The following TMPRSS6 variants were observed in gnomAD, a reference collection of about 807,000 sequenced individuals.
The protein encoded by TMPRSS6 is transmembrane serine protease 6.
A neutral mutation model predicts 101.5 loss-of-function variants in TMPRSS6; 67 were observed. The ratio of observed to expected loss-of-function variants is 0.66; its 90% CI spans 0.54 to 0.81. TMPRSS6 has a LOEUF of 0.81. Ranked by LOEUF, TMPRSS6 falls within the 30% of genes least tolerant of loss-of-function variation. The pLI is 0.00. For synonymous variants in TMPRSS6, 453 were observed against 464.9 expected (o/e 0.97, Z 0.33); for missense variants, 1,034 against 1,088.7 (o/e 0.95, Z 0.71).
intron 7 of TMPRSS6, among the ~76,000 whole-genome samples, chr22:37,088,007 T>C (rs1235981832): frequency 6.6e-6 from 1 of 152,026 alleles, no homozygotes; most frequent in African/African-American, 2.4e-5. Flanking sequence ...TTGTCTGACC[T>C]GTCATTTTAG....
chr22:37,077,920 C>G (rs921808936), intron 10 of TMPRSS6, among the ~76,000 whole-genome samples: 1 of 152,226 alleles, frequency 6.6e-6, no homozygotes, highest in African/African-American at 2.4e-5. Flanking sequence ...GGAGCCGCCA[C>G]CCCCGACCAT....
chr22:37,083,021 A>G, intron 10 of TMPRSS6: 1 of 471,122 alleles, frequency 2.1e-6, no homozygotes, highest in South Asian at 1.5e-5. Flanking sequence ...AAATCCAAGA[A>G]TTCTAGAGCC....
intron 6 of TMPRSS6, among the ~76,000 whole-genome samples, chr22:37,095,228 C>T (rs1929639616): frequency 6.6e-6 from 1 of 152,212 alleles, no homozygotes; most frequent in East Asian, 1.9e-4. Context: ...AGCTTGTGGG[C>T]AGGTTGAAGT....
chr22:37,089,561 C>CCCCAAA lies in TMPRSS6; in HGVS notation c.836+16_836+17insTTTGGG. The stretch of plus-strand genomic sequence containing the variant: ...CTTTTCCAGCCCTCCCTCCTGCCCT[C>CCCCAAA]CTTCCCAGGGACTCACGAGGTGATG... On this transcript the variant is annotated intron_variant, in intron 7 of 17. Transcript: ENST00000676104. 6.4e-7 allele frequency: 1 copy of CCCCAAA among 1,566,314 alleles called. No individual in the cohort carries two copies. Among genetic ancestry groups the CCCCAAA allele is most frequent in the Non-Finnish European group, 8.7e-7 (1 of 1,144,352 alleles).
rs755738032 is a variant in TMPRSS6 at position 37,095,555 on chromosome 22, C to A, written c.627G>T (p.Thr209=). 3.1e-6 allele frequency: 5 copies of A among 1,609,914 alleles called. No individual in the cohort carries two copies. Among genetic ancestry groups the A allele is most frequent in the Non-Finnish European group, 2.5e-6 (3 of 1,179,376 alleles). ...SVKDIAALNS[T]LGCYRYSYVG... is the part of the protein sequence containing the mutation. Reference sequence around the variant, plus strand: ...GGGGAAAAAAAAATAGCGTACCCAGCGTGGAATTCAATGCAGCTATGTCTT... The same window carrying A: ...GGGGAAAAAAAAATAGCGTACCCAGAGTGGAATTCAATGCAGCTATGTCTT... Residue 209 remains threonine, a synonymous_variant, in exon 6 of 18, where the codon ACG becomes ACT. Transcript: ENST00000676104.
At chr22:37,087,760 T>A (rs1430875989) in intron 7 of TMPRSS6, among the ~76,000 whole-genome samples, 1 of 152,082 alleles carries the variant, frequency 6.6e-6, no homozygotes, top group African/African-American at 2.4e-5. Flanking sequence ...GATATTAGGA[T>A]GGAAGAGACC....
chr22:37,103,340 C>T lies in TMPRSS6; in HGVS notation c.78G>A (p.Gly26=), dbSNP rs372585015. 9.9e-6 allele frequency: 16 copies of T among 1,614,220 alleles called. No homozygotes were observed. The highest frequency in any genetic ancestry group is 1.3e-5 in the Non-Finnish European group (15 of 1,180,028). ...TGGAGTCCTCACAGGCCTTGAACAT[C>T]CCCTCCGGCTCCGCTTCCTCGCCAT... ...GGDGEEAEPE[G]MFKACEDSKR... The change falls in exon 2 of 18, where the codon GGG becomes GGA. Residue 26 remains glycine (G), a synonymous_variant. Coordinates refer to ENST00000676104, the MANE Select transcript of TMPRSS6 (RefSeq NM_001374504.1). The surrounding 1 kb of genome is among the most constrained non-coding windows in gnomAD (Gnocchi z 4.4).
chr22:37,078,785 A>G (rs796667660), intron 10 of TMPRSS6, among the ~76,000 whole-genome samples: 492 of 23,786 alleles, frequency 0.021, 1 homozygote, highest in African/African-American at 0.047. Context: ...GGAGGAGGAG[A>G]AGAAGAAGGA....
At chr22:37,091,038 C>T (rs905106030) in intron 6 of TMPRSS6, among the ~76,000 whole-genome samples, 14 of 152,088 alleles carry the variant, frequency 9.2e-5, no homozygotes, top group African/African-American at 3.1e-4. Flanking sequence ...CCATCTAATC[C>T]GTAAGCTCTG....
intron 6 of TMPRSS6, among the ~76,000 whole-genome samples, chr22:37,093,067 T>C (rs960170106): frequency 1.3e-5 from 2 of 152,202 alleles, no homozygotes; most frequent in African/African-American, 4.8e-5. Flanking sequence ...CATCCTGGTG[T>C]CCTCAGCGCA....
intron 10 of TMPRSS6, among the ~76,000 whole-genome samples, chr22:37,081,780 T>C (rs1167354588): frequency 1.3e-5 from 2 of 152,218 alleles, no homozygotes; most frequent in African/African-American, 4.8e-5. Context: ...GCCAAGTCCT[T>C]AGCCCTCGCT....
rs962914186 is a variant in TMPRSS6 at position 37,069,654 on chromosome 22, A to G, written c.1842-310T>C. Among the ~76,000 whole-genome samples, 8 of 152,190 alleles carry G rather than the reference A, an allele frequency of 5.3e-5. No homozygotes were observed. Among genetic ancestry groups the G allele is most frequent in the African/African-American group, 7.2e-5 (3 of 41,434 alleles). On this transcript the variant is annotated intron_variant, in intron 15 of 17. Transcript: ENST00000676104. This position sits in a 1 kb window ranked among gnomAD's most constrained non-coding sequence, Gnocchi z 4.8. ...ACTCGAATGTTCTTGAGAGAATCCA[A>G]TAAGACCGTGTATCTAAAAAATGTA... is the stretch of plus-strand genomic sequence containing the variant.
intron 6 of TMPRSS6, among the ~76,000 whole-genome samples, chr22:37,094,543 T>TGATAGATAGATAGATAGATGATA (rs1555891590): frequency 5.3e-5 from 8 of 150,716 alleles, no homozygotes; most frequent in African/African-American, 1.7e-4. Context: ...TCAACAGAGA[T>TGATAGATAGATAGATAGATGATA]GATAGATAGA....
At position 37,070,962 on chromosome 22, in the gene TMPRSS6, A is replaced by G. The variant is rs757678445; in HGVS notation, c.1626T>C (p.Cys542=). ...RSCVKKPNPQ[C]DGRPDCRDGS... ...CGTCCCTGCAGTCGGGCCGCCCATC[A>G]CACTGCGGGTTGGGCTTCTTCACGC... The change falls in exon 14 of 18, where the codon TGT becomes TGC. Residue 542 remains cysteine (C), a synonymous_variant. Transcript: ENST00000676104. 6.2e-7 allele frequency: 1 copy of G among 1,613,168 alleles called. No individual in the cohort carries two copies.
Position 37,104,958 on chromosome 22 carries a change from TTG to T in TMPRSS6, c.-1-1542_-1-1541del, listed in dbSNP as rs1156602690. On this transcript the variant is annotated intron_variant, in intron 1 of 17. Transcript: ENST00000676104. ...CCTGGGTGACAGAGCAAGACTCTGC[TTG>T]AGAAAAAAAAAAACATAAAAAAATA... Among the ~76,000 whole-genome samples, 770 of 137,724 alleles carry T rather than the reference TTG, an allele frequency of 5.6e-3. 12 individuals are homozygous for T. Among genetic ancestry groups the T allele is most frequent in the African/African-American group, 0.02 (706 of 35,500 alleles). The allele number at this position is 137,724 out of a possible 152,430, so 90.4% of individuals were successfully genotyped here. A position where few individuals can be genotyped will look rare whatever the true frequency, so the allele number is the denominator to read the frequency against.
At position 37,069,118 on chromosome 22, in the gene TMPRSS6, C is replaced by A; in HGVS notation, c.2068G>T (p.Gly690Cys). ...CAGCCCGTAATCCAGCAGTGCAGGC[C>A]GGGCTCGAAGAAGTGGGAGCGCGCG... ...LPARSHFFEP[G>C]LHCWITGWGA... is the part of the protein sequence containing the mutation. The change falls in exon 16 of 18, where the codon GGC (glycine) becomes TGC (cysteine). Residue 690 changes from glycine to cysteine, a missense_variant. Gly to Cys is a radical substitution (Grantham distance 159, BLOSUM62 -3). Coordinates refer to ENST00000676104, the MANE Select transcript of TMPRSS6 (RefSeq NM_001374504.1). The surrounding 1 kb of genome is among the most constrained non-coding windows in gnomAD (Gnocchi z 4.8). The A allele has an allele frequency of 5.1e-6, 8 of 1,561,474 alleles. No individual in the cohort carries two copies. The highest frequency in any genetic ancestry group is 6.9e-6 in the Non-Finnish European group (8 of 1,156,240).
At chr22:37,097,086 G>T (rs1275217800) in intron 3 of TMPRSS6, among the ~76,000 whole-genome samples, 1 of 108,060 alleles carries the variant, frequency 9.3e-6, no homozygotes, top group Admixed American at 8.0e-5. Flanking sequence ...TAGTTTTTGC[G>T]CATCTCCAAC....
rs530151999 is a variant in TMPRSS6, at chr22:37,085,809, G to A, written c.973+474C>T. Among the ~76,000 whole-genome samples the A allele has an allele frequency of 1.2e-3, 182 of 152,232 alleles. 4 individuals are homozygous for A. In the South Asian group the frequency reaches 0.036, roughly 30 times the overall value. On this transcript the variant is annotated intron_variant, in intron 8 of 17. Transcript: ENST00000676104. ...GCTCCCTGCGCCCTCTTGGCTGTAA[G>A]CGGACTGTCTAGGGCGGAATCCAAG...
Position 37,070,531 on chromosome 22 carries a change from G to T in TMPRSS6, c.1794C>A (p.Ile598=). 2 of 1,613,418 alleles carry T rather than the reference G, an allele frequency of 1.2e-6. No individual in the cohort carries two copies. The highest frequency in any genetic ancestry group is 1.1e-5 in the South Asian group (1 of 91,082). ...RGRHICGGAL[I]ADRWVITAAH... ...CAGCTGTTATCACCCAGCGGTCAGC[G>T]ATGAGGGCCCCCCCACAGATGTGTC... Residue 598 remains isoleucine, a synonymous_variant, in exon 15 of 18, where the codon ATC becomes ATA. Transcript: ENST00000676104.
Sources: allele counts gnomAD v4.1 joint callset (sites outside exome capture counted in the v4.1 genomes callset), GRCh38; gene constraint gnomAD v4.1.1; non-coding constraint Gnocchi (gnomAD v3.1); transcripts MANE v1.5; gene names NCBI Gene and HGNC (gene_info 2026-07-23, HGNC 2026-07-21).